ROBO2: variants seen among roughly 807,000 people sequenced by gnomAD.
ROBO2 encodes roundabout homolog 2.
In ROBO2, 53 loss-of-function variants were observed where a neutral mutation model predicts 160.8. That is an observed-to-expected ratio of 0.33 (90% confidence interval 0.26 to 0.41). The LOEUF is 0.41. Ranked by LOEUF, ROBO2 falls within the 10% of genes least tolerant of loss-of-function variation. The pLI, the probability that ROBO2 is intolerant of heterozygous loss-of-function variation, is 1.00. For synonymous variants in ROBO2, 664 were observed against 611.7 expected (o/e 1.09, Z -1.26); for missense variants, 1,577 against 1,722.4 (o/e 0.92, Z 1.49).
chr3:77,289,322 C>T (rs182200222), intron 2 of ROBO2, among the ~76,000 whole-genome samples: 1 of 152,056 alleles, frequency 6.6e-6, no homozygotes, highest in African/African-American at 2.4e-5. Context: ...GAGGCTAGAG[C>T]ACCAAAGACA....
At chr3:76,407,483 G>A (rs1295134972) in intron 2 of ROBO2, among the ~76,000 whole-genome samples, 2 of 151,880 alleles carry the variant, frequency 1.3e-5, no homozygotes, top group Non-Finnish European at 2.9e-5. Flanking sequence ...TATGTTTGAA[G>A]CAGAGTTAAT....
rs570066909 is a variant in ROBO2, at chr3:75,985,300, G to A, written c.109+47698G>A. ...CTTTGCAAAATAAAATACACTTAAT[G>A]TGAAATTTATTATCTTAATTATTTT... On this transcript the variant is annotated intron_variant, in intron 2 of 26. Coordinates refer to the ROBO2 transcript ENST00000487694. Among the ~76,000 whole-genome samples the A allele has an allele frequency of 6.6e-5, 10 of 151,552 alleles. No individual in the cohort carries two copies. The East Asian group carries it at 1.9e-3, about 29-fold the overall frequency.
intron 4 of ROBO2, among the ~76,000 whole-genome samples, chr3:77,490,291 C>T (rs1355361184): frequency 6.6e-6 from 1 of 151,820 alleles, no homozygotes; most frequent in East Asian, 1.9e-4. Context: ...GGGGTTTCAC[C>T]GTGTTAGCCA....
At chr3:76,061,311 T>A (rs2068063212) in intron 2 of ROBO2, among the ~76,000 whole-genome samples, 1 of 152,216 alleles carries the variant, frequency 6.6e-6, no homozygotes, top group African/African-American at 2.4e-5. Flanking sequence ...AAGTTAATAA[T>A]TAGGAAATGC....
intron 2 of ROBO2, among the ~76,000 whole-genome samples, chr3:76,875,349 C>G (rs1265527752): frequency 6.6e-6 from 1 of 152,204 alleles, no homozygotes; most frequent in African/African-American, 2.4e-5. Context: ...TATAGCAGCA[C>G]AAAGGGACTA....
chr3:77,101,726 T>C (rs919677025), intron 2 of ROBO2, among the ~76,000 whole-genome samples: 1 of 152,032 alleles, frequency 6.6e-6, no homozygotes, highest in African/African-American at 2.4e-5. Context: ...GCAAGAATAA[T>C]CAAGGAATAC....
intron 1 of ROBO2, among the ~76,000 whole-genome samples, chr3:77,051,717 T>C (rs2065244618): frequency 6.6e-6 from 1 of 152,234 alleles, no homozygotes; most frequent in Admixed American, 6.5e-5. Context: ...TTTCCAAACA[T>C]GGATCTCTAT....
intron 2 of ROBO2, among the ~76,000 whole-genome samples, chr3:76,604,826 T>C (rs1450392746): frequency 6.6e-6 from 1 of 152,144 alleles, no homozygotes; most frequent in African/African-American, 2.4e-5. Flanking sequence ...GCTGAGAAGG[T>C]AGACAGTTAC....
chr3:76,840,451 T>C (rs1478427770), intron 2 of ROBO2, among the ~76,000 whole-genome samples: 1 of 150,548 alleles, frequency 6.6e-6, no homozygotes, highest in Non-Finnish European at 1.5e-5. Context: ...CTACTAAAAA[T>C]ACAAAAAAAA....
At chr3:76,089,703 G>T (rs1387175369) in intron 2 of ROBO2, among the ~76,000 whole-genome samples, 1 of 152,086 alleles carries the variant, frequency 6.6e-6, no homozygotes, top group Non-Finnish European at 1.5e-5. Flanking sequence ...TCTGGAGAAA[G>T]ATCTAAGTCT....
intron 21 of ROBO2, among the ~76,000 whole-genome samples, chr3:77,615,469 A>G (rs1050916451): frequency 3.3e-5 from 5 of 152,192 alleles, no homozygotes; most frequent in Admixed American, 3.3e-4. Context: ...TCACTGTCCT[A>G]AAATTCCTCT....
intron 2 of ROBO2, among the ~76,000 whole-genome samples, chr3:76,583,869 T>G (rs1247094533): frequency 6.6e-6 from 1 of 152,222 alleles, no homozygotes; most frequent in Admixed American, 6.5e-5. Context: ...TATATTTGAC[T>G]GAGCCATGCT....
At chr3:76,798,268 G>GAAAGAAAGAA (rs2063898165) in intron 2 of ROBO2, among the ~76,000 whole-genome samples, 1 of 121,704 alleles carries the variant, frequency 8.2e-6, no homozygotes, top group Non-Finnish European at 1.7e-5. Context: ...AGGAAAGAAA[G>GAAAGAAAGAA]AAAGAAAGAA....
At chr3:76,002,710 A>G (rs1365826922) in intron 2 of ROBO2, among the ~76,000 whole-genome samples, 4 of 152,180 alleles carry the variant, frequency 2.6e-5, no homozygotes, top group Non-Finnish European at 5.9e-5. Flanking sequence ...TATGAGCAGC[A>G]GGAGAACAGA....
At chr3:77,353,607 T>G (rs1056539700) in intron 2 of ROBO2, among the ~76,000 whole-genome samples, 1 of 152,000 alleles carries the variant, frequency 6.6e-6, no homozygotes, top group Non-Finnish European at 1.5e-5. Context: ...GCCTCCTGGG[T>G]TCAGGCAATT....
At chr3:75,978,185 C>A (rs1019569752) in intron 2 of ROBO2, among the ~76,000 whole-genome samples, 6 of 151,616 alleles carry the variant, frequency 4.0e-5, no homozygotes, top group East Asian at 2.0e-4. Context: ...CATGGTGCCT[C>A]CACTTAAAAA....
At chr3:77,484,305 T>A (rs992479151) in intron 4 of ROBO2, among the ~76,000 whole-genome samples, 1 of 152,024 alleles carries the variant, frequency 6.6e-6, no homozygotes, top group African/African-American at 2.4e-5. Context: ...TTGAAGTAAA[T>A]AATACAATTT....
intron 2 of ROBO2, among the ~76,000 whole-genome samples, chr3:76,156,082 AT>A (rs373423031): frequency 6.1e-4 from 91 of 149,252 alleles, no homozygotes; most frequent in Middle Eastern, 3.5e-3. Flanking sequence ...ATTTTTGACA[AT>A]TTTTTTTTTG....
At chr3:77,045,698 G>T (rs941064847) in intron 1 of ROBO2, among the ~76,000 whole-genome samples, 1 of 151,996 alleles carries the variant, frequency 6.6e-6, no homozygotes, top group African/African-American at 2.4e-5. Context: ...TCTCAGAATT[G>T]TGCAACCATC....
Sources: allele counts gnomAD v4.1 joint callset (sites outside exome capture counted in the v4.1 genomes callset), GRCh38; gene constraint gnomAD v4.1.1; transcripts MANE v1.5; gene names NCBI Gene and HGNC (gene_info 2026-07-23, HGNC 2026-07-21).